The following ITPR1 variants were observed in gnomAD, a reference collection of about 807,000 sequenced individuals.
The protein encoded by ITPR1 is inositol 1,4,5-trisphosphate receptor type 1, also known as inositol 1,4,5-trisphosphate-gated calcium channel ITPR1.
In ITPR1, 96 loss-of-function variants were observed where a neutral mutation model predicts 318.4. That is an observed-to-expected ratio of 0.30 (90% CI 0.26 to 0.36). The LOEUF (loss-of-function observed/expected upper bound fraction) is 0.36, where lower values mean the gene tolerates loss of function less well. Among genes scored for constraint, ITPR1 ranks in the 10% least tolerant of loss-of-function variants. The pLI is 1.00. For missense variants in ITPR1, 2,440 were observed against 3,460.2 expected (o/e 0.71, Z 7.40); for synonymous variants, 1,312 against 1,289.9 (o/e 1.02, Z -0.37).
chr3:4,750,295 A>T (rs1347202441), intron 44 of ITPR1: 1 of 151,374 alleles, frequency 6.6e-6, no homozygotes, highest in Non-Finnish European at 1.5e-5. Flanking sequence ...CCTAACTTGG[A>T]TGGCCATGCA....
intron 10 of ITPR1, among the ~76,000 whole-genome samples, chr3:4,647,165 G>GT (rs921278114): frequency 2.7e-4 from 40 of 148,624 alleles, no homozygotes; most frequent in African/African-American, 3.7e-4. Flanking sequence ...TTTATGTTCT[G>GT]TTTTTTTTTC....
chr3:4,522,366 C>G (rs2082635709), intron 4 of ITPR1, among the ~76,000 whole-genome samples: 1 of 152,116 alleles, frequency 6.6e-6, no homozygotes, highest in African/African-American at 2.4e-5. Flanking sequence ...GGTTTAGAAA[C>G]TGTTTGACTT....
intron 44 of ITPR1, among the ~76,000 whole-genome samples, chr3:4,748,274 G>A (rs1373175780): frequency 6.6e-6 from 1 of 152,180 alleles, no homozygotes; most frequent in Non-Finnish European, 1.5e-5. Flanking sequence ...GCTATTCAGT[G>A]CCCTGTACCC....
intron 52 of ITPR1, among the ~76,000 whole-genome samples, chr3:4,791,524 G>A (rs780929811): frequency 1.7e-4 from 26 of 152,154 alleles, no homozygotes; most frequent in Admixed American, 6.6e-4. Context: ...GGTAATGCTC[G>A]CTTGCTGCTC....
intron 57 of ITPR1, 75 bp downstream of exon 57, chr3:4,813,309 G>T: frequency 9.7e-7 from 1 of 1,026,448 alleles, no homozygotes; most frequent in South Asian, 1.6e-5. Flanking sequence ...GGTGATGTTG[G>T]AAGAAGATTA....
chr3:4,783,328 G>A lies in ITPR1; in HGVS notation c.6511-488G>A, dbSNP rs929722059. On this transcript the variant is annotated intron_variant, in intron 50 of 61. Transcript: ENST00000649015. ...AGGGGCAGGCTGTAACCCTGCTGGA[G>A]CCTTGTGTTTCCTGTCCCGTCCACC... is the stretch of plus-strand genomic sequence containing the variant. Among the ~76,000 whole-genome samples, 11 of 152,166 alleles carry A rather than the reference G, an allele frequency of 7.2e-5. No homozygotes were observed. The Middle Eastern group carries it at 0.01, about 141-fold the overall frequency.
At chr3:4,705,652 A>G (rs1460084657) in intron 36 of ITPR1, among the ~76,000 whole-genome samples, 1 of 152,170 alleles carries the variant, frequency 6.6e-6, no homozygotes, top group African/African-American at 2.4e-5. Flanking sequence ...TCATGCTTAG[A>G]CTGGAGTTCT....
chr3:4,508,810 G>C (rs1414751920), intron 2 of ITPR1, among the ~76,000 whole-genome samples: 1 of 152,164 alleles, frequency 6.6e-6, no homozygotes, highest in East Asian at 1.9e-4. Context: ...TTGAGTTGAG[G>C]TCTGGCCAGC....
chr3:4,714,129 G>A lies in ITPR1; in HGVS notation c.5103+2261G>A, dbSNP rs138882532. On this transcript the variant is annotated intron_variant, in intron 39 of 61. Transcript: ENST00000649015. ...CTAAGGCTTTTTGAAGATGCTTTTTGATGGTTTACTGGCTGCCCCGTTTGA... is the reference window on the plus strand; with the variant it reads ...CTAAGGCTTTTTGAAGATGCTTTTTAATGGTTTACTGGCTGCCCCGTTTGA... Among the ~76,000 whole-genome samples, 1,223 of 152,296 alleles carry A rather than the reference G, an allele frequency of 8.0e-3. 12 individuals carry two copies. The highest frequency in any genetic ancestry group is 0.027 in the African/African-American group (1,118 of 41,570).
At chr3:4,628,861 G>A (rs1407066862) in intron 5 of ITPR1, among the ~76,000 whole-genome samples, 2 of 152,236 alleles carry the variant, frequency 1.3e-5, no homozygotes, top group Non-Finnish European at 2.9e-5. Flanking sequence ...GAGCATCTGT[G>A]AGCCCCAAGC....
intron 44 of ITPR1, among the ~76,000 whole-genome samples, chr3:4,748,130 C>G (rs2044240366): frequency 6.6e-6 from 1 of 152,162 alleles, no homozygotes; most frequent in African/African-American, 2.4e-5. Flanking sequence ...GAAACTGAGT[C>G]TGAAAAAAGC....
At position 4,802,288 on chromosome 3, in the gene ITPR1, T is replaced by C. The variant is rs973266136; in HGVS notation, c.7107+1688T>C. Among the ~76,000 whole-genome samples the C allele has an allele frequency of 3.3e-5, 5 of 152,214 alleles. 1 individual carries two copies. In the East Asian group the frequency reaches 9.6e-4, roughly 29 times the overall value. On this transcript the variant is annotated intron_variant, in intron 54 of 61. Transcript: ENST00000649015. ...TGAGATTAGTGTTGTATAGAATGTA[T>C]GTTGGAAACTCTGTTCCCAGTAGTG...
chr3:4,805,501 G>C (rs2048497165), intron 54 of ITPR1, among the ~76,000 whole-genome samples: 1 of 152,174 alleles, frequency 6.6e-6, no homozygotes, highest in Non-Finnish European at 1.5e-5. Context: ...TACTCAGAGA[G>C]GAATGGTCCC....
At chr3:4,781,659 T>G (rs191528867) in intron 49 of ITPR1, among the ~76,000 whole-genome samples, 2 of 152,172 alleles carry the variant, frequency 1.3e-5, no homozygotes, top group Non-Finnish European at 2.9e-5. Flanking sequence ...TTCTTTTATC[T>G]CCTTGACTCT....
At chr3:4,651,871 T>G (rs2093605889) in intron 10 of ITPR1, among the ~76,000 whole-genome samples, 1 of 152,252 alleles carries the variant, frequency 6.6e-6, no homozygotes, top group Non-Finnish European at 1.5e-5. Flanking sequence ...GCAAATAACC[T>G]GAAAACCACT....
At chr3:4,786,838 T>C (rs1002664561) in intron 51 of ITPR1, among the ~76,000 whole-genome samples, 2 of 152,194 alleles carry the variant, frequency 1.3e-5, no homozygotes, top group Admixed American at 6.5e-5. Flanking sequence ...TCATGTATTG[T>C]ATGTTTTAGA....
At chr3:4,585,702 G>A (rs945922299) in intron 4 of ITPR1, among the ~76,000 whole-genome samples, 1 of 152,036 alleles carries the variant, frequency 6.6e-6, no homozygotes, top group Admixed American at 6.6e-5. Context: ...CTCCCAAAGT[G>A]CTAGGATTAC....
At chr3:4,497,441 C>G (rs78537016) in intron 2 of ITPR1, among the ~76,000 whole-genome samples, 7 of 152,158 alleles carry the variant, frequency 4.6e-5, no homozygotes, top group Non-Finnish European at 7.3e-5. Context: ...CAAACCATCC[C>G]GTTCCCAAGA....
At position 4,569,479 on chromosome 3, in the gene ITPR1, A is replaced by G. The variant is rs1322809807; in HGVS notation, c.163+48385A>G. ...GAAAAATGAATATTGAGCGTCAACA[A>G]ACAAAACATTGTGTGACAAGCTTGT... is the stretch of plus-strand genomic sequence containing the variant. On this transcript the variant is annotated intron_variant, in intron 4 of 61. Coordinates refer to ENST00000649015, the MANE Select transcript of ITPR1 (RefSeq NM_001378452.1). Among the ~76,000 whole-genome samples, 10 of 152,360 alleles carry G rather than the reference A, an allele frequency of 6.6e-5. No homozygotes were observed. The East Asian group carries it at 1.9e-3, about 29-fold the overall frequency.
Sources: allele counts gnomAD v4.1 joint callset (sites outside exome capture counted in the v4.1 genomes callset), GRCh38; gene constraint gnomAD v4.1.1; transcripts MANE v1.5; gene names NCBI Gene and HGNC (gene_info 2026-07-23, HGNC 2026-07-21).